Variants in GXYLT2 observed in about 807,000 individuals in gnomAD.
The protein encoded by GXYLT2 is glucoside xylosyltransferase 2, also known as glycosyltransferase 8 domain containing 4.
A neutral mutation model predicts 45.8 loss-of-function variants in GXYLT2; 53 were observed. The ratio of observed to expected loss-of-function variants is 1.16; its 90% CI spans 0.93 to 1.46. GXYLT2 has a LOEUF of 1.46. Ranked by LOEUF, GXYLT2 falls within the 40% of genes most tolerant of loss-of-function variation. The pLI, the probability that GXYLT2 is intolerant of heterozygous loss-of-function variation, is 0.00. For missense variants in GXYLT2, 551 were observed against 544.4 expected, an observed-to-expected ratio of 1.01 and a Z score of -0.12; for synonymous variants, 219 against 214.2, an observed-to-expected ratio of 1.02 and a Z score of -0.19.
chr3:72,959,857 A>T (rs909703732), intron 5 of GXYLT2, among the ~76,000 whole-genome samples: 1 of 151,292 alleles, frequency 6.6e-6, no homozygotes, highest in Non-Finnish European at 1.5e-5. Flanking sequence ...CTGGTCTCGA[A>T]CTCCTGACCT....
chr3:72,973,275 A>T (rs963545209), intron 6 of GXYLT2, among the ~76,000 whole-genome samples: 1 of 152,174 alleles, frequency 6.6e-6, no homozygotes, highest in African/African-American at 2.4e-5. Context: ...GCCCAGGGGA[A>T]ATCTGGGGAA....
intron 2 of GXYLT2, among the ~76,000 whole-genome samples, chr3:72,910,548 C>A (rs1709596337): frequency 6.6e-6 from 1 of 152,154 alleles, no homozygotes; most frequent in South Asian, 2.1e-4. Flanking sequence ...AACAACTCCC[C>A]CAAAACTCAG....
intron 5 of GXYLT2, among the ~76,000 whole-genome samples, chr3:72,961,674 A>AAAAAAAAAAAAG (rs1278781750): frequency 2.5e-5 from 3 of 119,008 alleles, no homozygotes; most frequent in Admixed American, 1.1e-4. Context: ...AAAAAAAAAA[A>AAAAAAAAAAAAG]AGAGAGAGAG....
At chr3:72,915,177 C>G (rs1415277014) in intron 2 of GXYLT2, among the ~76,000 whole-genome samples, 1 of 151,654 alleles carries the variant, frequency 6.6e-6, no homozygotes, top group African/African-American at 2.4e-5. Context: ...GGTTTTATTG[C>G]GAGCAACCTA....
At chr3:72,910,287 C>T (rs1424925696) in intron 2 of GXYLT2, among the ~76,000 whole-genome samples, 1 of 152,126 alleles carries the variant, frequency 6.6e-6, no homozygotes, top group East Asian at 1.9e-4. Flanking sequence ...TAGTGATTTG[C>T]TCCTCAGGGT....
chr3:72,974,051 C>G (rs933846469), intron 6 of GXYLT2, among the ~76,000 whole-genome samples: 5 of 152,152 alleles, frequency 3.3e-5, no homozygotes, highest in African/African-American at 1.2e-4. Context: ...GTGTACTGAT[C>G]TTTAACCATT....
At chr3:72,958,602 G>A (rs1710697485) in intron 5 of GXYLT2, among the ~76,000 whole-genome samples, 1 of 150,478 alleles carries the variant, frequency 6.6e-6, no homozygotes, top group African/African-American at 2.4e-5. Flanking sequence ...TAGAGGAAAG[G>A]GGAATGTCTT....
At chr3:72,930,022 T>G (rs758375233) in intron 3 of GXYLT2, among the ~76,000 whole-genome samples, 2 of 151,064 alleles carry the variant, frequency 1.3e-5, no homozygotes, top group Non-Finnish European at 1.5e-5. Context: ...CAAAATTAGC[T>G]GGGCGTGGTG....
Position 72,888,482 on chromosome 3 carries a change from C to T in GXYLT2, c.249C>T (p.Gly83=), listed in dbSNP as rs1397460471. 2 of 1,252,276 alleles carry T rather than the reference C, an allele frequency of 1.6e-6. No individual in the cohort carries two copies. The highest frequency in any genetic ancestry group is 2.4e-5 in the South Asian group (1 of 41,166). 77.6% of individuals were successfully genotyped at this position (1,252,276 alleles called of 1,614,324 possible). A position where few individuals can be genotyped will look rare whatever the true frequency, so the allele number is the denominator to read the frequency against. ...CGCGCCCCCGAGCGGGCCGCCGGGG[C>T]GCTGCGAGACTGGAGAAGTTGGCGA... ...PRPRPRAGRR[G]AARLEKLARR... The change falls in exon 1 of 7, where the codon GGC becomes GGT. Residue 83 remains glycine (G), a synonymous_variant. Transcript: ENST00000389617.
chr3:72,896,238 A>G (rs770709472), intron 1 of GXYLT2, among the ~76,000 whole-genome samples: 9 of 152,246 alleles, frequency 5.9e-5, no homozygotes, highest in Non-Finnish European at 1.3e-4. Context: ...GACACCGAAC[A>G]TGCCACACCA....
chr3:72,888,203 C>A lies in GXYLT2; in HGVS notation c.-31C>A. 1 of 985,130 alleles carries A rather than the reference C, an allele frequency of 1.0e-6. No individual in the cohort carries two copies. Among genetic ancestry groups the A allele is most frequent in the Non-Finnish European group, 1.2e-6 (1 of 832,270 alleles). 61.0% of individuals were successfully genotyped at this position (985,130 alleles called of 1,614,324 possible). The stretch of plus-strand genomic sequence containing the variant: ...GCGATGCGCAGAGGGGCCGAGCCGC[C>A]TGGGGGCCGCCGCCGCCGCCGCGCC... On this transcript the variant is annotated 5_prime_UTR_variant, in exon 1 of 7. It adds an upstream start codon to the 5' untranslated region. Transcript: ENST00000389617.
rs202045135 is a variant in GXYLT2, at chr3:72,931,216, A to AT, written c.600+8888dup. Among the ~76,000 whole-genome samples, 393 of 151,594 alleles carry AT rather than the reference A, an allele frequency of 2.6e-3. 1 individual carries two copies. The highest frequency in any genetic ancestry group is 8.8e-3 in the African/African-American group (362 of 41,298). On this transcript the variant is annotated intron_variant, in intron 3 of 6. Coordinates refer to ENST00000389617, the MANE Select transcript of GXYLT2 (RefSeq NM_001080393.2). ...TAGAAATTAAGTAACATACTTCTTT[A>AT]TTTTTTTATTTTATTTTCTATTTTT...
intron 3 of GXYLT2, among the ~76,000 whole-genome samples, chr3:72,928,159 A>G (rs1033265753): frequency 2.0e-5 from 3 of 152,210 alleles, no homozygotes; most frequent in Non-Finnish European, 4.4e-5. Context: ...GCAACTTCCA[A>G]AATGGTGACA....
intron 5 of GXYLT2, among the ~76,000 whole-genome samples, chr3:72,964,643 G>A (rs1710831018): frequency 6.6e-6 from 1 of 152,148 alleles, no homozygotes; most frequent in African/African-American, 2.4e-5. Context: ...CTTTTTGTAA[G>A]CCCTAAACTA....
At chr3:72,932,838 T>G (rs529479687) in intron 3 of GXYLT2, among the ~76,000 whole-genome samples, 1 of 152,352 alleles carries the variant, frequency 6.6e-6, no homozygotes, top group Middle Eastern at 3.4e-3. Flanking sequence ...CAAATTAATT[T>G]GAGATATTAT....
intron 3 of GXYLT2, chr3:72,929,085 A>G: frequency 4.4e-6 from 7 of 1,590,214 alleles, no homozygotes; most frequent in Non-Finnish European, 6.0e-6. Flanking sequence ...AGCTACCACC[A>G]GGACTCAGAG....
chr3:72,901,726 A>G (rs995921791), intron 1 of GXYLT2, among the ~76,000 whole-genome samples: 1 of 150,868 alleles, frequency 6.6e-6, no homozygotes, highest in Admixed American at 6.6e-5. Context: ...ACACCTAGCT[A>G]ATTTGTATAT....
chr3:72,961,907 T>C (rs1710777883), intron 5 of GXYLT2, among the ~76,000 whole-genome samples: 1 of 152,110 alleles, frequency 6.6e-6, no homozygotes, highest in Non-Finnish European at 1.5e-5. Context: ...CAGGCTAGCG[T>C]AGAGGCAGAA....
intron 3 of GXYLT2, among the ~76,000 whole-genome samples, chr3:72,922,762 C>G (rs1457130179): frequency 6.6e-6 from 1 of 152,136 alleles, no homozygotes; most frequent in Non-Finnish European, 1.5e-5. Flanking sequence ...CCAAAAGGGT[C>G]CAGAATTTTG....
Sources: gnomAD v4.1 joint callset for allele counts (sites outside exome capture counted in the v4.1 genomes callset) on GRCh38, gnomAD v4.1.1 for gene constraint, MANE v1.5 for transcripts, NCBI Gene and HGNC (gene_info 2026-07-23, HGNC 2026-07-21) for gene names.